The following LRP8 variants were observed in gnomAD, a reference collection of about 807,000 sequenced individuals.
LRP8 encodes low-density lipoprotein receptor-related protein 8.
Under a neutral mutation model 111.6 loss-of-function variants are expected in LRP8, and 46 were observed. The ratio of observed to expected loss-of-function variants is 0.41; its 90% CI spans 0.33 to 0.53. The LOEUF (loss-of-function observed/expected upper bound fraction) is 0.53, where lower values mean the gene tolerates loss of function less well. Among genes scored for constraint, LRP8 ranks in the 20% least tolerant of loss-of-function variants. The pLI is 0.20. For synonymous variants in LRP8, 464 were observed against 511.2 expected, an observed-to-expected ratio of 0.91 and a Z score of 1.24; for missense variants, 959 against 1,297.4, an observed-to-expected ratio of 0.74 and a Z score of 4.01.
chr1:53,326,461 T>A (rs1311792393), intron 2 of LRP8, among the ~76,000 whole-genome samples: 1 of 152,192 alleles, frequency 6.6e-6, no homozygotes, highest in East Asian at 1.9e-4. Context: ...AGGAGCGCAG[T>A]GCGGCCCGGA....
At chr1:53,271,698 G>A (rs960473173) in intron 6 of LRP8, among the ~76,000 whole-genome samples, 5 of 152,108 alleles carry the variant, frequency 3.3e-5, no homozygotes, top group Admixed American at 6.5e-5. Context: ...TTCTCACAGC[G>A]CCTCCTTCCT....
At position 53,326,758 on chromosome 1, in the gene LRP8, G is replaced by A. The variant is rs112935754; in HGVS notation, c.244+115C>T. On this transcript the variant is annotated intron_variant, in intron 2 of 18. Transcript: ENST00000306052. Reference sequence around the variant, plus strand: ...CGGTTTCCCGGTCGCAGGCTCCGGCGGCAAGTCCCGCGCAGGTGGCAGCGC... The same window carrying A: ...CGGTTTCCCGGTCGCAGGCTCCGGCAGCAAGTCCCGCGCAGGTGGCAGCGC... 7.4e-4 allele frequency: 1,078 copies of A among 1,456,954 alleles called. 7 individuals carry two copies. In the African/African-American group the frequency reaches 0.014, roughly 19 times the overall value. The allele number at this position is 1,456,954 out of a possible 1,614,324, so 90.3% of individuals were successfully genotyped here.
Position 53,271,339 on chromosome 1 carries a change from G to A in LRP8, c.1014C>T (p.Asn338=), listed in dbSNP as rs762449232. 15 of 1,613,930 alleles carry A rather than the reference G, an allele frequency of 9.3e-6. No homozygotes were observed. The highest frequency in any genetic ancestry group is 1.3e-5 in the Non-Finnish European group (15 of 1,180,020). Residue 338 remains asparagine (N), a synonymous_variant, in exon 7 of 19, where the codon AAC becomes AAT. Transcript: ENST00000306052. ...AGCCGCCATTGTTGTGCAGACACTC[G>A]TTCAGCCCTGGGGAGGGACATGGGC... The part of the protein sequence containing the change: ...SDEAGCLQGL[N]ECLHNNGGCS...
rs576617554 is a variant in LRP8, at chr1:53,283,051, G to T, written c.368-2336C>A. ...CATTTCATTCTGCCATGGTCTGAAC[G>T]TTGGTATCCCCTGAAAATCCATGTT... On this transcript the variant is annotated intron_variant, in intron 3 of 18. Coordinates refer to ENST00000306052, the MANE Select transcript of LRP8 (RefSeq NM_004631.5). 8.5e-5 allele frequency among the ~76,000 whole-genome samples: 13 copies of T among 152,242 alleles called. No individual in the cohort carries two copies. In the South Asian group the frequency reaches 2.7e-3, roughly 32 times the overall value.
rs12076076 is a variant in LRP8, at chr1:53,293,935, T to C, written c.245-4246A>G. ...AAGGCAAAAAGACTCTTCTGGGGGA[T>C]CCTGGTGAACACCCAGTGTCAGGCC... On this transcript the variant is annotated intron_variant, in intron 2 of 18. Coordinates refer to ENST00000306052, the MANE Select transcript of LRP8 (RefSeq NM_004631.5). The surrounding 1 kb of genome is among the most constrained non-coding windows in gnomAD (Gnocchi z 4.9). Among the ~76,000 whole-genome samples, 2,473 of 152,282 alleles carry C rather than the reference T, an allele frequency of 0.016. 69 individuals carry two copies. The highest frequency in any genetic ancestry group is 0.056 in the African/African-American group (2,322 of 41,540).
intron 10 of LRP8, among the ~76,000 whole-genome samples, chr1:53,263,690 A>G (rs1053577021): frequency 6.6e-5 from 10 of 152,172 alleles, no homozygotes; most frequent in African/African-American, 2.4e-4. Flanking sequence ...CAGGGAATAG[A>G]CATGTTTTAT....
intron 2 of LRP8, among the ~76,000 whole-genome samples, chr1:53,312,836 T>C (rs533366797): frequency 9.2e-5 from 14 of 152,120 alleles, no homozygotes; most frequent in Non-Finnish European, 1.9e-4. Context: ...GATGTTGAGT[T>C]TTAAAACTGG....
In LRP8 at chr1:53,328,027, C is replaced by CGCCGCCGCCGCT; in HGVS notation, c.-127_-116dup. 2 of 532,024 alleles carry CGCCGCCGCCGCT rather than the reference C, an allele frequency of 3.8e-6. No individual in the cohort carries two copies. Among genetic ancestry groups the CGCCGCCGCCGCT allele is most frequent in the Non-Finnish European group, 4.8e-6 (2 of 417,144 alleles). The allele number at this position is 532,024 out of a possible 1,614,324, so 33.0% of individuals were successfully genotyped here. A position where few individuals can be genotyped will look rare whatever the true frequency, so the allele number is the denominator to read the frequency against. On this transcript the variant is annotated 5_prime_UTR_variant, in exon 1 of 19. Transcript: ENST00000306052. ...GGGTTGCCGCTGCCCCCGCCGCCGCCGCCGCCGCCGCTGCCGCCCGCCCCG... is the reference window on the plus strand; with the variant it reads ...GGGTTGCCGCTGCCCCCGCCGCCGCCGCCGCCGCCGCTGCCGCCGCCGCTGCCGCCCGCCCCG...
At chr1:53,257,168 T>A in intron 15 of LRP8, 72 bp downstream of exon 15, 3 of 1,408,468 alleles carry the variant, frequency 2.1e-6, no homozygotes, top group Non-Finnish European at 3.0e-6. Flanking sequence ...TTCTGTCTTA[T>A]CACATACCCC....
intron 12 of LRP8, among the ~76,000 whole-genome samples, chr1:53,260,937 A>C (rs1369137823): frequency 6.6e-6 from 1 of 152,212 alleles, no homozygotes; most frequent in Non-Finnish European, 1.5e-5. Flanking sequence ...GCCTGGGACC[A>C]AGATTGGAAG....
Position 53,250,574 on chromosome 1 carries a change from CGGAA to C in LRP8, c.2676+112_2676+115del, listed in dbSNP as rs890093442. ...CGGAAGGAAAGGAGGGAGGGAAGGA[CGGAA>C]GGAAGGAAGGGAGGGAAGAAAGGAT... On this transcript the variant is annotated intron_variant, in intron 17 of 18. Coordinates refer to ENST00000306052, the MANE Select transcript of LRP8 (RefSeq NM_004631.5). This position sits in a 1 kb window ranked among gnomAD's most constrained non-coding sequence, Gnocchi z 4.6. 5.3e-5 allele frequency: 44 copies of C among 837,804 alleles called. No individual in the cohort carries two copies. The highest frequency in any genetic ancestry group is 9.1e-5 in the African/African-American group (5 of 55,062). The allele number at this position is 837,804 out of a possible 1,614,324, so 51.9% of individuals were successfully genotyped here.
At position 53,250,513 on chromosome 1, in the gene LRP8, A is replaced by C. The variant is rs1186755722; in HGVS notation, c.2676+177T>G. 2.0e-5 allele frequency among the ~76,000 whole-genome samples: 3 copies of C among 150,100 alleles called. No homozygotes were observed. Among genetic ancestry groups the C allele is most frequent in the East Asian group, 3.9e-4 (2 of 5,076 alleles). ...GGGAAGGAGGGAGGAAAGGAAGGAA[A>C]GAAGGAAAGAAAAAAGACAGGGAGG... On this transcript the variant is annotated intron_variant, in intron 17 of 18. Transcript: ENST00000306052. This position sits in a 1 kb window ranked among gnomAD's most constrained non-coding sequence, Gnocchi z 4.6.
chr1:53,271,598 C>T (rs912662558), intron 6 of LRP8, among the ~76,000 whole-genome samples: 9 of 152,102 alleles, frequency 5.9e-5, no homozygotes, highest in African/African-American at 9.7e-5. Flanking sequence ...CTTAGGTCCC[C>T]GGCCTCCCGG....
intron 2 of LRP8, among the ~76,000 whole-genome samples, chr1:53,310,617 G>A (rs1237257357): frequency 2.6e-5 from 4 of 152,180 alleles, no homozygotes; most frequent in Non-Finnish European, 5.9e-5. Context: ...TCTTTTCTGC[G>A]CTGCTCTGAG....
rs1178996274 is a variant in LRP8, at chr1:53,317,119, G to C, written c.244+9754C>G. 6.6e-6 allele frequency among the ~76,000 whole-genome samples: 1 copy of C among 150,652 alleles called. No individual in the cohort carries two copies. Among genetic ancestry groups the C allele is most frequent in the Non-Finnish European group, 1.5e-5 (1 of 67,564 alleles). On this transcript the variant is annotated intron_variant, in intron 2 of 18. Transcript: ENST00000306052. The surrounding 1 kb of genome is among the most constrained non-coding windows in gnomAD (Gnocchi z 4.9). Reference sequence around the variant, plus strand: ...GCCCATGGCCGAGAAAGGGCTCTGAGAGTGTAGGGCAGCAGATGGCGGCTC... The same window carrying C: ...GCCCATGGCCGAGAAAGGGCTCTGACAGTGTAGGGCAGCAGATGGCGGCTC...
At chr1:53,253,767 G>A (rs746472268) in intron 16 of LRP8, among the ~76,000 whole-genome samples, 10 of 152,032 alleles carry the variant, frequency 6.6e-5, no homozygotes, top group Non-Finnish European at 1.0e-4. Flanking sequence ...CTCCAGAAGC[G>A]CCACTTTTAC....
At chr1:53,260,930 T>G (rs1423047687) in intron 12 of LRP8, among the ~76,000 whole-genome samples, 1 of 152,206 alleles carries the variant, frequency 6.6e-6, no homozygotes, top group Admixed American at 6.5e-5. Context: ...TACTGGGGCC[T>G]GGGACCAAGA....
At chr1:53,254,637 A>G (rs1243160252) in intron 16 of LRP8, among the ~76,000 whole-genome samples, 1 of 152,156 alleles carries the variant, frequency 6.6e-6, no homozygotes, top group Non-Finnish European at 1.5e-5. Context: ...TCCTCCCCTT[A>G]TCAGAGTTTG....
rs1645673726 is a variant in LRP8 at position 53,243,230 on chromosome 1, G to A, written c.*3788C>T. 6.6e-6 allele frequency: 1 copy of A among 152,110 alleles called. No homozygotes were observed. The allele number at this position is 152,110 out of a possible 1,614,324, so 9.4% of individuals were successfully genotyped here. A position where few individuals can be genotyped will look rare whatever the true frequency, so the allele number is the denominator to read the frequency against. ...GTGCCATTTCCCCATTCCCACCAGT[G>A]CCCAACTGGACAGTGATTAGTATCC... is the stretch of plus-strand genomic sequence containing the variant. On this transcript the variant is annotated 3_prime_UTR_variant, in exon 19 of 19. Transcript: ENST00000306052.
Sources: allele counts gnomAD v4.1 joint callset (sites outside exome capture counted in the v4.1 genomes callset), GRCh38; gene constraint gnomAD v4.1.1; non-coding constraint Gnocchi (gnomAD v3.1); transcripts MANE v1.5; gene names NCBI Gene and HGNC (gene_info 2026-07-23, HGNC 2026-07-21).